The following ZMYM6 variants were observed in gnomAD, a reference collection of about 807,000 sequenced individuals.
The protein encoded by ZMYM6 is zinc finger MYM-type containing 6, also known as zinc finger MYM-type protein 6.
In ZMYM6, 90 loss-of-function variants were observed where a neutral mutation model predicts 134.0. That is an observed-to-expected ratio of 0.67 (90% CI 0.57 to 0.80). The LOEUF is 0.80. Ranked by LOEUF, ZMYM6 falls within the 30% of genes least tolerant of loss-of-function variation. ZMYM6 has a pLI of 0.00. For missense variants in ZMYM6, 1,362 were observed against 1,533.9 expected, an observed-to-expected ratio of 0.89 and a Z score of 1.87; for synonymous variants, 481 against 524.1, an observed-to-expected ratio of 0.92 and a Z score of 1.12.
In ZMYM6 at chr1:35,005,197, C is replaced by T. The variant is rs145546610; in HGVS notation, c.1889G>A (p.Ser630Asn). 1.7e-4 allele frequency: 282 copies of T among 1,614,000 alleles called. No homozygotes were observed. The highest frequency in any genetic ancestry group is 4.5e-5 in the Non-Finnish European group (53 of 1,179,986). Residue 630 changes from serine to asparagine, a missense_variant, in exon 13 of 16, where the codon AGT (serine) becomes AAT (asparagine). Around this residue, in one of 3 missense-constraint regions of ZMYM6, gnomAD observed 824 missense variants for 940.9 expected, o/e 0.88. Transcript: ENST00000357182. ...AGGTATTTTTGCCAATGACATCACACTGGTTATAACTGGTGTTGTATCTGT... is the reference window on the plus strand; with the variant it reads ...AGGTATTTTTGCCAATGACATCACATTGGTTATAACTGGTGTTGTATCTGT... ...ARTDTTPVIT[S>N]VMSLAKIPAT...
intron 14 of ZMYM6, among the ~76,000 whole-genome samples, chr1:34,998,010 G>A (rs891318285): frequency 6.6e-6 from 1 of 152,196 alleles, no homozygotes; most frequent in Non-Finnish European, 1.5e-5. Context: ...GCCAGGTGCT[G>A]TGGCTCATGC....
chr1:35,020,567 C>T (rs1641289717), intron 2 of ZMYM6, 100 bp from the exon 3 acceptor site: 4 of 554,070 alleles, frequency 7.2e-6, no homozygotes, highest in Non-Finnish European at 7.6e-6. Context: ...CTATTCATCT[C>T]CTTTTTTTTT....
In ZMYM6 at chr1:35,013,484, T is replaced by G. The variant is rs914141382; in HGVS notation, c.796-903A>C. Reference sequence around the variant, plus strand: ...ACAAAATTAGAAATGGAACTGATTTTGGGATCATATATAAAATAACATGGA... The same window carrying G: ...ACAAAATTAGAAATGGAACTGATTTGGGGATCATATATAAAATAACATGGA... On this transcript the variant is annotated intron_variant, in intron 6 of 15. Transcript: ENST00000357182. 8.1e-6 allele frequency: 8 copies of G among 985,184 alleles called. No homozygotes were observed. In the South Asian group the frequency reaches 2.3e-4, roughly 29 times the overall value. The allele number at this position is 985,184 out of a possible 1,614,324, so 61.0% of individuals were successfully genotyped here.
intron 10 of ZMYM6, among the ~76,000 whole-genome samples, chr1:35,009,744 G>A (rs1176491983): frequency 1.3e-5 from 2 of 151,868 alleles, no homozygotes; most frequent in African/African-American, 4.8e-5. Context: ...ACCAGCCTGG[G>A]AAACATGGTG....
intron 2 of ZMYM6, among the ~76,000 whole-genome samples, chr1:35,025,345 T>C (rs1040823130): frequency 1.3e-5 from 2 of 150,824 alleles, no homozygotes; most frequent in Admixed American, 1.3e-4. Flanking sequence ...TGGGCACCTG[T>C]AATCCCAGCT....
At chr1:35,016,064 C>G (rs1641182077) in intron 4 of ZMYM6, among the ~76,000 whole-genome samples, 1 of 151,032 alleles carries the variant, frequency 6.6e-6, no homozygotes, top group Admixed American at 6.6e-5. Flanking sequence ...CCTCCTGTCT[C>G]AGCCTCCGGT....
intron 2 of ZMYM6, among the ~76,000 whole-genome samples, chr1:35,029,497 T>A (rs1422019828): frequency 6.6e-6 from 1 of 152,214 alleles, no homozygotes; most frequent in Non-Finnish European, 1.5e-5. Flanking sequence ...AATATTAAGT[T>A]AATAATGTCA....
At chr1:35,012,902 C>T (rs1288602496) in intron 6 of ZMYM6, 1 of 985,046 alleles carries the variant, frequency 1.0e-6, no homozygotes, top group Non-Finnish European at 1.2e-6. Context: ...ACCCATGAAC[C>T]AAAGGGTCAT....
rs143246214 is a variant in ZMYM6 at position 35,016,469 on chromosome 1, C to T, written c.429-1307G>A. Among the ~76,000 whole-genome samples the T allele has an allele frequency of 8.5e-5, 13 of 152,166 alleles. No homozygotes were observed. In the East Asian group the frequency reaches 2.5e-3, roughly 29 times the overall value. On this transcript the variant is annotated intron_variant, in intron 4 of 15. Transcript: ENST00000357182. ...TGTAAGAGCTAATTATTGCAATAAG[C>T]ACAAATAGCAATACCCTGGTAAAAC...
intron 4 of ZMYM6, chr1:35,017,407 T>C (rs952377056): frequency 3.3e-5 from 5 of 152,234 alleles, no homozygotes; most frequent in Non-Finnish European, 5.9e-5. Flanking sequence ...TTTCACTTAA[T>C]AAGGTGAATC....
intron 2 of ZMYM6, among the ~76,000 whole-genome samples, chr1:35,024,112 C>T (rs1641362398): frequency 6.6e-6 from 1 of 152,158 alleles, no homozygotes; most frequent in South Asian, 2.1e-4. Flanking sequence ...AAACAAGTAA[C>T]TAAGAACTCC....
intron 4 of ZMYM6, chr1:35,019,025 C>G: frequency 2.1e-6 from 1 of 468,978 alleles, no homozygotes; most frequent in Non-Finnish European, 3.7e-6. Context: ...TTATGCTATA[C>G]CCAATAGCTT....
intron 2 of ZMYM6, among the ~76,000 whole-genome samples, chr1:35,021,578 C>T (rs2148459429): frequency 6.6e-6 from 1 of 151,894 alleles, no homozygotes; most frequent in Admixed American, 6.5e-5. Context: ...CAAGATTGTG[C>T]CACTGCACTC....
At chr1:35,004,572 G>GCA (rs1050567406) in intron 13 of ZMYM6, among the ~76,000 whole-genome samples, 1 of 151,746 alleles carries the variant, frequency 6.6e-6, no homozygotes, top group Non-Finnish European at 1.5e-5. Flanking sequence ...TTGCGCCACT[G>GCA]CACTCCAGCC....
rs1641103588 is a variant in ZMYM6 at position 35,012,417 on chromosome 1, A to G, written c.946+14T>C. On this transcript the variant is annotated intron_variant, in intron 7 of 15. Coordinates refer to ENST00000357182, the MANE Select transcript of ZMYM6 (RefSeq NM_007167.4). Reference sequence around the variant, plus strand: ...AGTTATTAAATCTATAAATTTATCAAATTTAAACATTACCTGAAGAAGTAA... The same window carrying G: ...AGTTATTAAATCTATAAATTTATCAGATTTAAACATTACCTGAAGAAGTAA... 6.7e-7 allele frequency: 1 copy of G among 1,496,228 alleles called. No homozygotes were observed. The highest frequency in any genetic ancestry group is 1.4e-5 in the African/African-American group (1 of 69,518). The allele number at this position is 1,496,228 out of a possible 1,614,324, so 92.7% of individuals were successfully genotyped here. A position where few individuals can be genotyped will look rare whatever the true frequency, so the allele number is the denominator to read the frequency against.
chr1:34,988,284 T>A lies in ZMYM6; in HGVS notation c.2798A>T (p.Tyr933Phe), dbSNP rs1480925351. The change falls in exon 16 of 16, where the codon TAT becomes TTT. Residue 933 changes from tyrosine to phenylalanine, a missense_variant. Physicochemically the swap from Tyr to Phe is conservative, Grantham distance 22. Coordinates refer to ENST00000357182, the MANE Select transcript of ZMYM6 (RefSeq NM_007167.4). ...TTCTTCTTTTACATCACGACAATCA[T>A]AATCAATGAAACGAATATAGCACAA... ...LLLCYIRFIDYDCRDVKEELL... is the reference protein window; with the variant it reads ...LLLCYIRFIDFDCRDVKEELL... 1 of 1,550,880 alleles carries A rather than the reference T, an allele frequency of 6.4e-7. No homozygotes were observed. Among genetic ancestry groups the A allele is most frequent in the Non-Finnish European group, 8.7e-7 (1 of 1,146,462 alleles).
intron 2 of ZMYM6, among the ~76,000 whole-genome samples, chr1:35,028,317 CA>C (rs200029753): frequency 1.2e-3 from 133 of 106,806 alleles, no homozygotes; most frequent in Non-Finnish European, 1.2e-3. Context: ...GACTCCATCT[CA>C]AAAAAAAAAA....
chr1:35,018,219 CTG>C (rs1248773507), intron 4 of ZMYM6: 1 of 151,988 alleles, frequency 6.6e-6, no homozygotes, highest in African/African-American at 2.4e-5. Context: ...TGGTATGCGC[CTG>C]TGGTCCCAGC....
chr1:34,998,169 C>T (rs1640817656), intron 14 of ZMYM6, among the ~76,000 whole-genome samples: 1 of 152,166 alleles, frequency 6.6e-6, no homozygotes, highest in Admixed American at 6.5e-5. Flanking sequence ...ATCCCAGCTA[C>T]TCAGGAGGCT....
Sources: gnomAD v4.1 joint callset for allele counts (sites outside exome capture counted in the v4.1 genomes callset) on GRCh38, gnomAD v4.1.1 for gene constraint, gnomAD v4.1.1 regional missense constraint, MANE v1.5 for transcripts, NCBI Gene and HGNC (gene_info 2026-07-23, HGNC 2026-07-21) for gene names.